Variants in LY6S observed in about 807,000 individuals in gnomAD.
The protein encoded by LY6S is lymphocyte antigen 6 family member S.
chr8:143,058,129 C>A, the LY6S span, among the ~76,000 whole-genome samples: 1 of 152,010 alleles, frequency 6.6e-6, no homozygotes, highest in African/African-American at 2.4e-5. Context: ...GATGCACAAA[C>A]AAGGGGTGTA....
the LY6S span, among the ~76,000 whole-genome samples, chr8:143,046,888 C>G: frequency 6.6e-6 from 1 of 152,006 alleles, no homozygotes; most frequent in African/African-American, 2.4e-5. Context: ...GTAATCCCAG[C>G]TACTCAGGAG....
chr8:143,043,185 G>A, the LY6S span: 1 of 1,367,820 alleles, frequency 7.3e-7, no homozygotes, highest in Non-Finnish European at 9.8e-7. Context: ...CAGGGCCCAG[G>A]GGCTGCTGGC....
At chr8:143,072,441 C>G in the LY6S span, among the ~76,000 whole-genome samples, 1 of 125,596 alleles carries the variant, frequency 8.0e-6, no homozygotes, top group Non-Finnish European at 1.6e-5. Context: ...AGACAGCCGT[C>G]GTCCTCGGGA....
At chr8:143,067,461 C>T in the LY6S span, among the ~76,000 whole-genome samples, 2 of 152,186 alleles carry the variant, frequency 1.3e-5, no homozygotes, top group Non-Finnish European at 2.9e-5. Flanking sequence ...CTGCAGAAAG[C>T]CACAGGGACC....
At chr8:143,061,875 A>T in the LY6S span, among the ~76,000 whole-genome samples, 1 of 152,256 alleles carries the variant, frequency 6.6e-6, no homozygotes, top group Non-Finnish European at 1.5e-5. Context: ...TAAGTAACTG[A>T]TAGAACAAGC....
At chr8:143,063,074 C>T in the LY6S span, among the ~76,000 whole-genome samples, 2 of 152,138 alleles carry the variant, frequency 1.3e-5, no homozygotes, top group African/African-American at 4.8e-5. Context: ...CAAGTTCTGC[C>T]GAGTTCACAG....
chr8:143,060,759 A>T, the LY6S span, among the ~76,000 whole-genome samples: 1 of 152,052 alleles, frequency 6.6e-6, no homozygotes, highest in African/African-American at 2.4e-5. Context: ...ACGATCTCTC[A>T]TCTCCACACA....
At chr8:143,045,348 C>T in the LY6S span, among the ~76,000 whole-genome samples, 2 of 152,194 alleles carry the variant, frequency 1.3e-5, no homozygotes, top group East Asian at 3.8e-4. This position sits in a 1 kb window ranked among gnomAD's most constrained non-coding sequence, Gnocchi z 5.3. Flanking sequence ...GGAGACTGCT[C>T]ATTCCAGGGT....
the LY6S span, among the ~76,000 whole-genome samples, chr8:143,049,014 G>A: frequency 3.3e-5 from 5 of 152,204 alleles, no homozygotes; most frequent in South Asian, 2.1e-4. Flanking sequence ...AGCCAGCAGC[G>A]GGGGCCACCT....
At chr8:143,055,310 C>G in the LY6S span, among the ~76,000 whole-genome samples, 1 of 152,166 alleles carries the variant, frequency 6.6e-6, no homozygotes, top group Non-Finnish European at 1.5e-5. Context: ...GGAGCAGGCC[C>G]TGGGAAGGAC....
At chr8:143,074,857 A>G in the LY6S span, among the ~76,000 whole-genome samples, 1 of 152,196 alleles carries the variant, frequency 6.6e-6, no homozygotes, top group Non-Finnish European at 1.5e-5. Flanking sequence ...CCGATGACTA[A>G]CCCGCCCTCA....
the LY6S span, chr8:143,044,529 T>TTTCCC: frequency 1.6e-5 from 5 of 316,532 alleles, no homozygotes; most frequent in South Asian, 5.0e-5. Context: ...CTGCCCGCCA[T>TTTCCC]GCCCACCCCA....
the LY6S span, among the ~76,000 whole-genome samples, chr8:143,052,375 A>C: frequency 1.3e-5 from 2 of 152,198 alleles, no homozygotes; most frequent in Non-Finnish European, 2.9e-5. Context: ...CCTGGCAACC[A>C]CAATAGAGTC....
chr8:143,043,157 G>A, the LY6S span: 3 of 1,367,610 alleles, frequency 2.2e-6, no homozygotes, highest in Non-Finnish European at 2.9e-6. Context: ...ACCCCAGGCT[G>A]AGCAGGAGCT....
chr8:143,047,176 G>A, the LY6S span, among the ~76,000 whole-genome samples: 1 of 149,668 alleles, frequency 6.7e-6, no homozygotes, highest in Non-Finnish European at 1.5e-5. Flanking sequence ...GTCTTGCTCT[G>A]TTACCCAGGC....
the LY6S span, among the ~76,000 whole-genome samples, chr8:143,067,264 C>T: frequency 6.6e-6 from 1 of 152,210 alleles, no homozygotes. Context: ...AATTGTTCTG[C>T]TTTGAGATGC....
At chr8:143,073,801 C>G in the LY6S span, among the ~76,000 whole-genome samples, 722 of 128,520 alleles carry the variant, frequency 5.6e-3, no homozygotes, top group African/African-American at 0.024. Context: ...AGACAGCCGT[C>G]GTCCCCGGGG....
chr8:143,042,800 G>A, the LY6S span, among the ~76,000 whole-genome samples: 1 of 152,262 alleles, frequency 6.6e-6, no homozygotes, highest in Admixed American at 6.5e-5. Flanking sequence ...TCCCGCCCTG[G>A]GCCACGGTTT....
At chr8:143,056,149 G>T in the LY6S span, among the ~76,000 whole-genome samples, 16 of 148,326 alleles carry the variant, frequency 1.1e-4, no homozygotes, top group African/African-American at 4.0e-4. Flanking sequence ...TCTGTTTTTG[G>T]TGGTGGGGGT....
Sources: allele counts gnomAD v4.1 joint callset (sites outside exome capture counted in the v4.1 genomes callset), GRCh38; gene constraint gnomAD v4.1.1; non-coding constraint Gnocchi (gnomAD v3.1); transcripts MANE v1.5; gene names NCBI Gene and HGNC (gene_info 2026-07-23, HGNC 2026-07-21).